ADAMTS6: variants seen among roughly 807,000 people sequenced by gnomAD.
ADAMTS6 encodes the protein ADAM metallopeptidase with thrombospondin type 1 motif 6.
In ADAMTS6, 23 loss-of-function variants were observed where a neutral mutation model predicts 144.3. That is an observed-to-expected ratio of 0.16 (90% CI 0.11 to 0.23). ADAMTS6 has a LOEUF of 0.23. Ranked by LOEUF, ADAMTS6 falls within the 10% of genes least tolerant of loss-of-function variation. The probability of loss-of-function intolerance (pLI) is 1.00; values close to 1 mark genes in which losing one functional copy is unlikely to be tolerated. For synonymous variants in ADAMTS6, 444 were observed against 457.5 expected (o/e 0.97, Z 0.38); for missense variants, 999 against 1,379.6 (o/e 0.72, Z 4.37).
At chr5:65,385,950 TTAAGAAGCAGTGATGTCTTC>T (rs1352523431) in intron 7 of ADAMTS6, among the ~76,000 whole-genome samples, 1 of 152,194 alleles carries the variant, frequency 6.6e-6, no homozygotes, top group Non-Finnish European at 1.5e-5. Flanking sequence ...GGACTAAGAA[TTAAGAAGCAGTGATGTCTTC>T]TATGGTTAGA....
At position 65,233,315 on chromosome 5, in the gene ADAMTS6, A is replaced by G. The variant is rs193081949; in HGVS notation, c.1934-7096T>C. On this transcript the variant is annotated intron_variant, in intron 15 of 24. Coordinates refer to ENST00000381055, the MANE Select transcript of ADAMTS6 (RefSeq NM_197941.4). ...CCCATTCTCACTACTTCTATTCAAC[A>G]TAGTACTGAAGTCCTAGTCACAGGA... Among the ~76,000 whole-genome samples the G allele has an allele frequency of 1.9e-4, 29 of 152,210 alleles. No individual in the cohort carries two copies. The East Asian group carries it at 5.2e-3, about 27-fold the overall frequency.
chr5:65,187,512 T>C (rs1579995067), intron 22 of ADAMTS6, among the ~76,000 whole-genome samples: 1 of 152,326 alleles, frequency 6.6e-6, no homozygotes, highest in Admixed American at 6.5e-5. Flanking sequence ...TAAGTGATAA[T>C]GAATTGATAA....
At chr5:65,162,179 A>G (rs1437354773) in intron 24 of ADAMTS6, among the ~76,000 whole-genome samples, 2 of 152,254 alleles carry the variant, frequency 1.3e-5, no homozygotes, top group African/African-American at 4.8e-5. Flanking sequence ...CTTATTATAC[A>G]TAAACTGCAA....
intron 24 of ADAMTS6, among the ~76,000 whole-genome samples, chr5:65,160,736 T>C (rs1752720581): frequency 6.7e-6 from 1 of 149,712 alleles, no homozygotes; most frequent in East Asian, 2.0e-4. Context: ...GACCGCAACT[T>C]CTGCCTCCCA....
At chr5:65,389,672 C>G (rs1561492025) in intron 7 of ADAMTS6, among the ~76,000 whole-genome samples, 1 of 150,600 alleles carries the variant, frequency 6.6e-6, no homozygotes, top group Non-Finnish European at 1.5e-5. Context: ...ATCCTTTTTT[C>G]CCCCCTATAC....
chr5:65,301,886 C>G (rs184573720), intron 9 of ADAMTS6, among the ~76,000 whole-genome samples: 2 of 151,540 alleles, frequency 1.3e-5, no homozygotes, highest in African/African-American at 4.8e-5. Context: ...GTCAGGAGCT[C>G]GAGACTAGCC....
chr5:65,350,178 A>G (rs775842071), intron 7 of ADAMTS6, among the ~76,000 whole-genome samples: 1 of 152,198 alleles, frequency 6.6e-6, no homozygotes, highest in East Asian at 1.9e-4. Flanking sequence ...CACGTTCTAT[A>G]GTAGCCTATT....
intron 7 of ADAMTS6, among the ~76,000 whole-genome samples, chr5:65,374,457 C>T (rs10471656): frequency 0.2 from 29,413 of 147,426 alleles, 4,454 homozygotes; most frequent in African/African-American, 0.43. Flanking sequence ...CATTCTTATA[C>T]ACCAACAACA....
chr5:65,294,094 A>G (rs1021965583), intron 10 of ADAMTS6, among the ~76,000 whole-genome samples: 8 of 152,308 alleles, frequency 5.3e-5, no homozygotes, highest in African/African-American at 1.9e-4. Context: ...GTGGATTTAA[A>G]TTGGTTGTAC....
intron 14 of ADAMTS6, among the ~76,000 whole-genome samples, chr5:65,255,207 G>A (rs1760539257): frequency 6.6e-6 from 1 of 152,106 alleles, no homozygotes; most frequent in Admixed American, 6.5e-5. Flanking sequence ...TTTGTCAATG[G>A]CTGCTTTAAG....
intron 22 of ADAMTS6, among the ~76,000 whole-genome samples, chr5:65,179,932 G>T (rs966891003): frequency 7.9e-5 from 11 of 139,814 alleles, no homozygotes; most frequent in African/African-American, 3.1e-4. Flanking sequence ...TTGTGTGCAT[G>T]CAAACACACA....
intron 14 of ADAMTS6, 95 bp from the exon 15 acceptor site, chr5:65,242,301 C>G: frequency 1.3e-6 from 1 of 743,940 alleles, no homozygotes; most frequent in Non-Finnish European, 2.1e-6. Flanking sequence ...AATTAACTCA[C>G]TACCTTATTC....
At chr5:65,250,484 T>C (rs934008601) in intron 14 of ADAMTS6, among the ~76,000 whole-genome samples, 17 of 152,184 alleles carry the variant, frequency 1.1e-4, no homozygotes, top group Admixed American at 9.8e-4. Flanking sequence ...CTGAATAATA[T>C]ACTCCTCTAG....
intron 8 of ADAMTS6, 110 bp downstream of exon 8, chr5:65,333,932 C>A: frequency 8.9e-7 from 1 of 1,129,068 alleles, no homozygotes. Flanking sequence ...AGGAAAATGA[C>A]CAAATTAATA....
At chr5:65,210,590 A>G in intron 20 of ADAMTS6, 1 of 603,984 alleles carries the variant, frequency 1.7e-6, no homozygotes, top group Non-Finnish European at 2.9e-6. Flanking sequence ...ACCACTGGCA[A>G]TAAAGTTTTT....
intron 7 of ADAMTS6, among the ~76,000 whole-genome samples, chr5:65,444,066 G>A (rs1214957045): frequency 6.6e-6 from 1 of 152,124 alleles, no homozygotes; most frequent in African/African-American, 2.4e-5. Flanking sequence ...CAGACAACAT[G>A]ATCATCTTTA....
At chr5:65,175,342 C>T (rs1753905640) in intron 22 of ADAMTS6, among the ~76,000 whole-genome samples, 1 of 148,670 alleles carries the variant, frequency 6.7e-6, no homozygotes, top group South Asian at 2.1e-4. Flanking sequence ...AAGAGAGAGA[C>T]AGAAAGTCAA....
chr5:65,250,346 C>G (rs939149237), intron 14 of ADAMTS6, among the ~76,000 whole-genome samples: 5 of 152,168 alleles, frequency 3.3e-5, no homozygotes, highest in African/African-American at 7.2e-5. Flanking sequence ...GTTAATTTAA[C>G]TTCCAACTGC....
At chr5:65,445,633 C>G (rs1334630996) in intron 7 of ADAMTS6, among the ~76,000 whole-genome samples, 2 of 152,140 alleles carry the variant, frequency 1.3e-5, no homozygotes, top group Non-Finnish European at 2.9e-5. Context: ...TGACCCATCA[C>G]ACAGAGCCCC....
Sources: allele counts gnomAD v4.1 joint callset (sites outside exome capture counted in the v4.1 genomes callset), GRCh38; gene constraint gnomAD v4.1.1; transcripts MANE v1.5; gene names NCBI Gene and HGNC (gene_info 2026-07-23, HGNC 2026-07-21).